The following PTPRD variants were observed in gnomAD, a reference collection of about 807,000 sequenced individuals.
PTPRD encodes the protein receptor-type tyrosine-protein phosphatase delta.
Under a neutral mutation model 214.5 loss-of-function variants are expected in PTPRD, and 34 were observed. That is an observed-to-expected ratio of 0.16 (90% CI 0.12 to 0.21). The LOEUF (loss-of-function observed/expected upper bound fraction) is 0.21. PTPRD is among the 10% of genes least tolerant of loss of function. The probability of loss-of-function intolerance (pLI) is 1.00; values close to 1 mark genes in which losing one functional copy is unlikely to be tolerated. For synonymous variants in PTPRD, 1,128 were observed against 845.7 expected, an observed-to-expected ratio of 1.33 and a Z score of -5.79; for missense variants, 2,545 against 2,398.7, an observed-to-expected ratio of 1.06 and a Z score of -1.27.
chr9:8,965,346 C>T (rs866789152), intron 11 of PTPRD, among the ~76,000 whole-genome samples: 6 of 150,740 alleles, frequency 4.0e-5, no homozygotes, highest in Admixed American at 1.3e-4. Flanking sequence ...TGCTACTGCA[C>T]TCCAGCCTGG....
intron 12 of PTPRD, among the ~76,000 whole-genome samples, chr9:8,703,649 C>A (rs553759703): frequency 6.6e-6 from 1 of 152,266 alleles, no homozygotes; most frequent in South Asian, 2.1e-4. Context: ...ATTCTATTAA[C>A]TGGGGAACCC....
At chr9:9,654,439 T>C (rs953898689) in intron 7 of PTPRD, among the ~76,000 whole-genome samples, 3 of 152,076 alleles carry the variant, frequency 2.0e-5, no homozygotes, top group Non-Finnish European at 4.4e-5. Context: ...TGTGTGTGTG[T>C]GCACATGTAT....
At chr9:9,263,919 G>C (rs2099981254) in intron 9 of PTPRD, among the ~76,000 whole-genome samples, 1 of 151,488 alleles carries the variant, frequency 6.6e-6, no homozygotes, top group African/African-American at 2.4e-5. Context: ...GTAATTAAAA[G>C]TTGAAGAAAA....
chr9:10,566,617 G>A (rs2065706968), intron 2 of PTPRD, among the ~76,000 whole-genome samples: 1 of 151,974 alleles, frequency 6.6e-6, no homozygotes, highest in African/African-American at 2.4e-5. Flanking sequence ...TTGGAAATAT[G>A]TTTTCTCATT....
At chr9:9,790,846 T>C (rs1038925486) in intron 5 of PTPRD, among the ~76,000 whole-genome samples, 2 of 138,792 alleles carry the variant, frequency 1.4e-5, no homozygotes, top group African/African-American at 5.3e-5. Flanking sequence ...AAATATATTT[T>C]GAATAAATGA....
chr9:8,794,262 G>A (rs2096336629), intron 11 of PTPRD, among the ~76,000 whole-genome samples: 1 of 152,112 alleles, frequency 6.6e-6, no homozygotes, highest in Non-Finnish European at 1.5e-5. Flanking sequence ...AGAGCAGATG[G>A]AAGTGCAATA....
At chr9:9,414,478 G>A (rs1424136469) in intron 8 of PTPRD, among the ~76,000 whole-genome samples, 1 of 152,216 alleles carries the variant, frequency 6.6e-6, no homozygotes, top group African/African-American at 2.4e-5. Flanking sequence ...ACGGCCTTAA[G>A]GAGGTGGTGG....
chr9:9,541,258 G>T (rs967039551), intron 8 of PTPRD, among the ~76,000 whole-genome samples: 1 of 151,658 alleles, frequency 6.6e-6, no homozygotes, highest in Non-Finnish European at 1.5e-5. Flanking sequence ...TTATCTTTTT[G>T]GAACACTCCC....
chr9:9,790,941 T>C (rs968161073), intron 5 of PTPRD, among the ~76,000 whole-genome samples: 9 of 152,130 alleles, frequency 5.9e-5, no homozygotes, highest in African/African-American at 2.2e-4. Context: ...TTTGAACAGG[T>C]CCTATGGCAT....
intron 9 of PTPRD, among the ~76,000 whole-genome samples, chr9:9,364,092 G>A (rs2057147350): frequency 1.3e-5 from 2 of 151,118 alleles, no homozygotes; most frequent in African/African-American, 2.4e-5. Flanking sequence ...TTCATGTGCC[G>A]ATCTTCAGAT....
At chr9:9,404,367 G>C (rs1050406235) in intron 8 of PTPRD, among the ~76,000 whole-genome samples, 1 of 152,090 alleles carries the variant, frequency 6.6e-6, no homozygotes, top group Non-Finnish European at 1.5e-5. Context: ...AGTGTAGCTG[G>C]AGATGGAGAA....
At chr9:9,447,113 C>G (rs900494811) in intron 8 of PTPRD, among the ~76,000 whole-genome samples, 4 of 152,082 alleles carry the variant, frequency 2.6e-5, no homozygotes, top group African/African-American at 9.7e-5. Flanking sequence ...GTGGAGATTC[C>G]TCAAAGACCA....
At chr9:9,771,666 C>T (rs2154481929) in intron 5 of PTPRD, among the ~76,000 whole-genome samples, 1 of 152,270 alleles carries the variant, frequency 6.6e-6, no homozygotes, top group East Asian at 1.9e-4. Flanking sequence ...TCCCTACTGA[C>T]ATACAACCCA....
chr9:8,880,005 T>G (rs2098428986), intron 11 of PTPRD, among the ~76,000 whole-genome samples: 1 of 152,220 alleles, frequency 6.6e-6, no homozygotes, highest in African/African-American at 2.4e-5. Flanking sequence ...AATTTAAACA[T>G]TTCAACCATC....
chr9:9,299,406 A>G (rs1343575137), intron 9 of PTPRD, among the ~76,000 whole-genome samples: 1 of 151,712 alleles, frequency 6.6e-6, no homozygotes, highest in Non-Finnish European at 1.5e-5. Context: ...TAAATACCTT[A>G]TAATGCCCAG....
intron 11 of PTPRD, among the ~76,000 whole-genome samples, chr9:8,739,392 G>GT (rs200773291): frequency 1.3e-5 from 2 of 151,232 alleles, no homozygotes; most frequent in Non-Finnish European, 2.9e-5. Context: ...GGATAGAAAT[G>GT]TTTTTTTATC....
rs371648753 is a variant in PTPRD at position 8,573,300 on chromosome 9, C to T, written c.353-44521G>A. Among the ~76,000 whole-genome samples, 23 of 152,064 alleles carry T rather than the reference C, an allele frequency of 1.5e-4. No homozygotes were observed. The East Asian group carries it at 3.9e-3, about 26-fold the overall frequency. On this transcript the variant is annotated intron_variant, in intron 14 of 45. Coordinates refer to ENST00000381196, the MANE Select transcript of PTPRD (RefSeq NM_002839.4). ...AGGTATTGGTGCTACTAAAGATATACATATTTATTTCCAGTATGTATTTAA... is the reference window on the plus strand; with the variant it reads ...AGGTATTGGTGCTACTAAAGATATATATATTTATTTCCAGTATGTATTTAA...
In PTPRD at chr9:9,809,065, C is replaced by T. The variant is rs185516024; in HGVS notation, c.-367-42214G>A. On this transcript the variant is annotated intron_variant, in intron 5 of 45. Coordinates refer to ENST00000381196, the MANE Select transcript of PTPRD (RefSeq NM_002839.4). Reference sequence around the variant, plus strand: ...TCTCACAGAGACCTAGGATTACAGGCAGAAGCCTCCGTGCCTAGCCTGAAG... The same window carrying T: ...TCTCACAGAGACCTAGGATTACAGGTAGAAGCCTCCGTGCCTAGCCTGAAG... 3.4e-3 allele frequency among the ~76,000 whole-genome samples: 517 copies of T among 151,858 alleles called. 5 individuals carry two copies. Among genetic ancestry groups the T allele is most frequent in the Non-Finnish European group, 5.9e-3 (403 of 67,954 alleles).
chr9:9,678,026 C>T (rs554672608), intron 7 of PTPRD, among the ~76,000 whole-genome samples: 38 of 152,138 alleles, frequency 2.5e-4, no homozygotes, highest in African/African-American at 9.2e-4. Context: ...TGTGAAGGAC[C>T]TCTTCAAGGA....
Sources: gnomAD v4.1 joint callset for allele counts (sites outside exome capture counted in the v4.1 genomes callset) on GRCh38, gnomAD v4.1.1 for gene constraint, MANE v1.5 for transcripts, NCBI Gene and HGNC (gene_info 2026-07-23, HGNC 2026-07-21) for gene names.